The following DEPTOR variants were observed in gnomAD, a reference collection of about 807,000 sequenced individuals.
DEPTOR encodes the protein DEP domain containing MTOR interacting protein, also known as DEP domain-containing mTOR-interacting protein.
A neutral mutation model predicts 41.6 loss-of-function variants in DEPTOR; 41 were observed. The observed-to-expected ratio is 0.98, with a 90% CI of 0.77 to 1.28. The LOEUF (loss-of-function observed/expected upper bound fraction) is 1.28, where lower values mean the gene tolerates loss of function less well. Ranked by LOEUF, DEPTOR falls within the 50% of genes most tolerant of loss-of-function variation. DEPTOR has a pLI of 0.00. For synonymous variants in DEPTOR, 195 were observed against 192.3 expected, an observed-to-expected ratio of 1.01 and a Z score of -0.12; for missense variants, 514 against 527.9, an observed-to-expected ratio of 0.97 and a Z score of 0.26.
At chr8:119,896,177 A>T (rs1386067528) in intron 1 of DEPTOR, among the ~76,000 whole-genome samples, 3 of 152,236 alleles carry the variant, frequency 2.0e-5, no homozygotes, top group East Asian at 3.8e-4. Context: ...ATTGAACCAT[A>T]CTATGTGACC....
At chr8:119,913,182 A>C (rs1465957493) in intron 1 of DEPTOR, among the ~76,000 whole-genome samples, 1 of 152,188 alleles carries the variant, frequency 6.6e-6, no homozygotes, top group Non-Finnish European at 1.5e-5. Context: ...CGGCCTCCCA[A>C]AGTGCTGGGG....
At chr8:120,011,751 A>G (rs1233075365) in intron 8 of DEPTOR, among the ~76,000 whole-genome samples, 2 of 152,224 alleles carry the variant, frequency 1.3e-5, no homozygotes, top group African/African-American at 4.8e-5. Context: ...TCAACTCATT[A>G]ACTAACTCTT....
At chr8:120,036,370 GC>G (rs1224761912) in intron 8 of DEPTOR, among the ~76,000 whole-genome samples, 3 of 152,178 alleles carry the variant, frequency 2.0e-5, no homozygotes, top group African/African-American at 7.2e-5. Flanking sequence ...GCACCGCATA[GC>G]CCTATAGCAT....
chr8:119,943,001 A>G (rs115825534), intron 3 of DEPTOR, among the ~76,000 whole-genome samples: 1,714 of 152,348 alleles, frequency 0.011, 40 homozygotes, highest in African/African-American at 0.04. Flanking sequence ...TGTATTCAGC[A>G]TGGTGAGATA....
intron 8 of DEPTOR, among the ~76,000 whole-genome samples, chr8:120,013,457 G>A (rs956274821): frequency 3.3e-5 from 5 of 152,076 alleles, no homozygotes; most frequent in African/African-American, 4.8e-5. Flanking sequence ...TAATCTATTC[G>A]TAAAGGCTTG....
chr8:120,002,791 A>AAAAAAAATAT, intron 5 of DEPTOR, among the ~76,000 whole-genome samples, 186 bp from the exon 6 acceptor site: 36 of 60,662 alleles, frequency 5.9e-4, no homozygotes, highest in African/African-American at 2.5e-3. Context: ...AAAAAAAAAA[A>AAAAAAAATAT]ATATATATAT....
chr8:119,973,999 T>A (rs1828664857), intron 4 of DEPTOR, among the ~76,000 whole-genome samples: 1 of 151,950 alleles, frequency 6.6e-6, no homozygotes, highest in Non-Finnish European at 1.5e-5. Context: ...AGAAATTAAC[T>A]GCATCTCTCC....
At chr8:119,941,866 T>C (rs1429655481) in intron 3 of DEPTOR, among the ~76,000 whole-genome samples, 2 of 152,208 alleles carry the variant, frequency 1.3e-5, no homozygotes, top group Non-Finnish European at 2.9e-5. Flanking sequence ...CCCATGATCT[T>C]AACTTTTTCC....
chr8:119,982,594 G>T (rs1828782247), intron 4 of DEPTOR, among the ~76,000 whole-genome samples: 1 of 152,208 alleles, frequency 6.6e-6, no homozygotes, highest in Non-Finnish European at 1.5e-5. Context: ...AGTTTAAGCA[G>T]TGAGGTTTCT....
intron 8 of DEPTOR, among the ~76,000 whole-genome samples, chr8:120,042,824 T>A (rs1046139814): frequency 6.6e-6 from 1 of 151,588 alleles, no homozygotes; most frequent in Non-Finnish European, 1.5e-5. Context: ...CAGCGTATTT[T>A]TTTATTTTTA....
At chr8:119,983,535 C>T (rs1435852104) in intron 4 of DEPTOR, among the ~76,000 whole-genome samples, 1 of 152,070 alleles carries the variant, frequency 6.6e-6, no homozygotes, top group East Asian at 1.9e-4. Context: ...CAGGTGCCCG[C>T]CACCACGCTC....
At chr8:119,874,042 G>A (rs760470422) in intron 1 of DEPTOR, 74 bp downstream of exon 1, 17 of 1,586,620 alleles carry the variant, frequency 1.1e-5, no homozygotes, top group Non-Finnish European at 1.5e-5. Context: ...CTGCGCGCAC[G>A]CGCTCCCTGG....
intron 8 of DEPTOR, among the ~76,000 whole-genome samples, chr8:120,018,044 A>G (rs894615345): frequency 4.1e-5 from 6 of 146,722 alleles, no homozygotes; most frequent in Non-Finnish European, 8.9e-5. Context: ...CTTATTTTTC[A>G]TAGCAAGGAA....
At chr8:119,954,651 A>G (rs1274929020) in intron 3 of DEPTOR, among the ~76,000 whole-genome samples, 1 of 152,054 alleles carries the variant, frequency 6.6e-6, no homozygotes, top group Non-Finnish European at 1.5e-5. Context: ...CCCAGTGTAC[A>G]AGGAGATCGC....
intron 3 of DEPTOR, among the ~76,000 whole-genome samples, chr8:119,935,707 C>A (rs1173423943): frequency 7.0e-5 from 10 of 142,354 alleles, no homozygotes; most frequent in Admixed American, 6.5e-4. Flanking sequence ...GGCAGCAGAG[C>A]AAGACTCCAT....
chr8:120,015,906 C>A (rs1427921695), intron 8 of DEPTOR, among the ~76,000 whole-genome samples: 1 of 152,146 alleles, frequency 6.6e-6, no homozygotes, highest in Non-Finnish European at 1.5e-5. Flanking sequence ...CCCTGATGTT[C>A]TACACACTCT....
intron 8 of DEPTOR, among the ~76,000 whole-genome samples, chr8:120,047,352 C>T (rs146319441): frequency 3.8e-4 from 58 of 151,526 alleles, no homozygotes; most frequent in African/African-American, 1.3e-3. Flanking sequence ...AAAGATTTTC[C>T]AAATTTTATT....
chr8:119,921,868 C>A (rs1178553741), intron 1 of DEPTOR, among the ~76,000 whole-genome samples: 4 of 151,304 alleles, frequency 2.6e-5, no homozygotes, highest in African/African-American at 9.7e-5. Flanking sequence ...TCAAGCAATT[C>A]TCCTGTTTCA....
chr8:120,031,151 T>C (rs1041764614), intron 8 of DEPTOR, among the ~76,000 whole-genome samples: 2 of 151,938 alleles, frequency 1.3e-5, no homozygotes, highest in African/African-American at 4.8e-5. Flanking sequence ...GGCAACATAG[T>C]GAGACCCCAT....
Sources: allele counts gnomAD v4.1 joint callset (sites outside exome capture counted in the v4.1 genomes callset), GRCh38; gene constraint gnomAD v4.1.1; transcripts MANE v1.5; gene names NCBI Gene and HGNC (gene_info 2026-07-23, HGNC 2026-07-21).